The following TANC2 variants were observed in gnomAD, a reference collection of about 807,000 sequenced individuals.
The protein encoded by TANC2 is protein TANC2.
A neutral mutation model predicts 210.5 loss-of-function variants in TANC2; 26 were observed. That is an observed-to-expected ratio of 0.12 (90% confidence interval 0.09 to 0.17). The LOEUF (loss-of-function observed/expected upper bound fraction) is 0.17. TANC2 is among the 10% of genes least tolerant of loss of function. The pLI, the probability that TANC2 is intolerant of heterozygous loss-of-function variation, is 1.00. For synonymous variants in TANC2, 931 were observed against 967.1 expected (o/e 0.96, Z 0.69); for missense variants, 2,129 against 2,608.9 (o/e 0.82, Z 4.01).
chr17:62,979,179 T>C (rs2032176787), intron 1 of TANC2, among the ~76,000 whole-genome samples: 1 of 152,198 alleles, frequency 6.6e-6, no homozygotes, highest in African/African-American at 2.4e-5. Flanking sequence ...TTACCATCCT[T>C]ATATGCCCTG....
In TANC2 at chr17:63,418,204, A is replaced by T; in HGVS notation, c.4168-103A>T. The T allele has an allele frequency of 8.1e-7, 1 of 1,228,076 alleles. No homozygotes were observed. The allele number at this position is 1,228,076 out of a possible 1,614,324, so 76.1% of individuals were successfully genotyped here. A position where few individuals can be genotyped will look rare whatever the true frequency, so the allele number is the denominator to read the frequency against. ...GCACGTCTAGCGTCCCAGGCGTTCC[A>T]TCCATGAATGTCAAAAAATGTACAA... On this transcript the variant is annotated intron_variant, in intron 26 of 27. Coordinates refer to ENST00000689528, the Ensembl canonical transcript of TANC2. The surrounding 1 kb of genome is among the most constrained non-coding windows in gnomAD (Gnocchi z 4.6).
At chr17:63,008,939 CT>C (rs771117011) in intron 1 of TANC2, among the ~76,000 whole-genome samples, 1 of 152,092 alleles carries the variant, frequency 6.6e-6, no homozygotes, top group Non-Finnish European at 1.5e-5. Flanking sequence ...GTATTTATAG[CT>C]ACCTAATTAT....
At chr17:63,079,045 C>T (rs2036672311) in intron 3 of TANC2, among the ~76,000 whole-genome samples, 1 of 152,248 alleles carries the variant, frequency 6.6e-6, no homozygotes, top group Non-Finnish European at 1.5e-5. Flanking sequence ...ATTCCTTGTA[C>T]CACTGGTCCT....
exon 10 of TANC2, chr17:63,314,532 G>C (rs1391576299): frequency 1.9e-6 from 3 of 1,613,834 alleles, no homozygotes; most frequent in East Asian, 2.2e-5. Context: ...TCAAATGCCA[G>C]CGTGAACCAA....
chr17:63,252,698 C>G (rs912849505), intron 8 of TANC2, among the ~76,000 whole-genome samples: 1 of 152,112 alleles, frequency 6.6e-6, no homozygotes, highest in Non-Finnish European at 1.5e-5. Context: ...TGGTTCTATC[C>G]ATGTTGCTGG....
chr17:63,385,046 C>G (rs1465663392), intron 15 of TANC2, among the ~76,000 whole-genome samples: 1 of 152,102 alleles, frequency 6.6e-6, no homozygotes, highest in African/African-American at 2.4e-5. Context: ...TGTGTTCCCT[C>G]CTAAATAAAA....
intron 10 of TANC2, among the ~76,000 whole-genome samples, 190 bp downstream of exon 10, chr17:63,314,859 C>G (rs1354453264): frequency 1.3e-5 from 2 of 152,178 alleles, no homozygotes; most frequent in Non-Finnish European, 2.9e-5. Flanking sequence ...CCAGTAGTCA[C>G]CTAAGCGTGA....
intron 1 of TANC2, among the ~76,000 whole-genome samples, chr17:62,989,680 A>G (rs1194888487): frequency 6.6e-6 from 1 of 151,986 alleles, no homozygotes; most frequent in African/African-American, 2.4e-5. Flanking sequence ...ATATTTTATT[A>G]GATAATGGCT....
chr17:63,007,190 C>G (rs1448572443), intron 1 of TANC2, among the ~76,000 whole-genome samples: 1 of 152,180 alleles, frequency 6.6e-6, no homozygotes, highest in Non-Finnish European at 1.5e-5. Context: ...AATCACACCA[C>G]TGTTCTCCAG....
At chr17:63,176,715 A>T (rs2040593863) in intron 5 of TANC2, among the ~76,000 whole-genome samples, 1 of 149,654 alleles carries the variant, frequency 6.7e-6, no homozygotes, top group African/African-American at 2.5e-5. Context: ...CTGAGGCAGG[A>T]GAATGGCCTG....
chr17:63,333,607 T>A (rs2045930485), intron 11 of TANC2, among the ~76,000 whole-genome samples: 1 of 152,232 alleles, frequency 6.6e-6, no homozygotes, highest in Admixed American at 6.5e-5. Flanking sequence ...TATACTTCGT[T>A]GATAAAGTAG....
intron 5 of TANC2, among the ~76,000 whole-genome samples, chr17:63,168,580 A>G (rs1047453022): frequency 6.6e-6 from 1 of 152,246 alleles, no homozygotes; most frequent in African/African-American, 2.4e-5. Flanking sequence ...CTGGTAAGCC[A>G]GCATATACTT....
intron 2 of TANC2, among the ~76,000 whole-genome samples, chr17:63,028,875 G>A (rs2034658955): frequency 6.6e-6 from 1 of 151,700 alleles, no homozygotes; most frequent in African/African-American, 2.4e-5. Context: ...AGAAAAAAAG[G>A]GAAAAAGGAA....
intron 4 of TANC2, among the ~76,000 whole-genome samples, chr17:63,109,448 TGAGATG>T (rs1265002732): frequency 6.6e-6 from 1 of 151,474 alleles, no homozygotes. Flanking sequence ...AAACCTTGAA[TGAGATG>T]GAAGAAAACT....
intron 9 of TANC2, among the ~76,000 whole-genome samples, chr17:63,293,973 C>T (rs1266507142): frequency 1.3e-5 from 2 of 152,140 alleles, no homozygotes; most frequent in African/African-American, 4.8e-5. Flanking sequence ...AAGCAGTCTT[C>T]CCACCTTAGC....
At chr17:62,996,933 C>T (rs1004002569) in intron 1 of TANC2, among the ~76,000 whole-genome samples, 3 of 148,484 alleles carry the variant, frequency 2.0e-5, no homozygotes, top group African/African-American at 5.0e-5. Context: ...CTTGCCTCAG[C>T]CTCCCAAGTA....
chr17:62,979,645 C>T (rs971809429), intron 1 of TANC2, among the ~76,000 whole-genome samples: 1 of 152,184 alleles, frequency 6.6e-6, no homozygotes, highest in African/African-American at 2.4e-5. Context: ...CACGGTGGCT[C>T]ACGCCTTTAG....
At chr17:63,153,724 A>G (rs554158947) in intron 5 of TANC2, 2 of 152,276 alleles carry the variant, frequency 1.3e-5, no homozygotes, top group South Asian at 4.1e-4. Flanking sequence ...GGTTCCTTCT[A>G]CCACTATTGA....
At chr17:62,997,737 G>A (rs138313336) in intron 1 of TANC2, among the ~76,000 whole-genome samples, 74 of 152,150 alleles carry the variant, frequency 4.9e-4, no homozygotes, top group Non-Finnish European at 8.8e-4. Flanking sequence ...AACTATTAAA[G>A]CATTTTAATG....
Sources: gnomAD v4.1 joint callset for allele counts (sites outside exome capture counted in the v4.1 genomes callset) on GRCh38, gnomAD v4.1.1 for gene constraint, Gnocchi (gnomAD v3.1) non-coding constraint, MANE v1.5 for transcripts, NCBI Gene and HGNC (gene_info 2026-07-23, HGNC 2026-07-21) for gene names.